ASPRV1: variants seen among roughly 807,000 people sequenced by gnomAD.
The protein encoded by ASPRV1 is retroviral-like aspartic protease 1.
Under a neutral mutation model 11.0 loss-of-function variants are expected in ASPRV1, and 7 were observed. The observed-to-expected ratio is 0.64, with a 90% CI of 0.36 to 1.20. The LOEUF (loss-of-function observed/expected upper bound fraction) is 1.20, where lower values mean the gene tolerates loss of function less well. ASPRV1 is among the 50% of genes most tolerant of loss of function. The pLI is 0.02. For missense variants in ASPRV1, 299 were observed against 320.0 expected (o/e 0.93, Z 0.50); for synonymous variants, 136 against 138.4 (o/e 0.98, Z 0.12).
the ASPRV1 span, among the ~76,000 whole-genome samples, chr2:69,974,422 T>C: frequency 2.6e-5 from 4 of 152,206 alleles, no homozygotes; most frequent in Admixed American, 6.5e-5. Context: ...TGTAAGTTTA[T>C]ATAATTTAAT....
the ASPRV1 span, among the ~76,000 whole-genome samples, chr2:70,019,822 G>C: frequency 5.3e-5 from 8 of 152,148 alleles, no homozygotes; most frequent in African/African-American, 1.7e-4. Context: ...GGAGGAACAA[G>C]TTCAAGAGAT....
chr2:70,067,628 C>A, the ASPRV1 span, among the ~76,000 whole-genome samples: 1 of 152,058 alleles, frequency 6.6e-6, no homozygotes, highest in African/African-American at 2.4e-5. Flanking sequence ...GAAGAAAATA[C>A]CAGAATGATA....
At chr2:70,078,766 G>A in the ASPRV1 span, among the ~76,000 whole-genome samples, 1 of 152,240 alleles carries the variant, frequency 6.6e-6, no homozygotes, top group Admixed American at 6.5e-5. Context: ...AATCCAGGTG[G>A]GATTTTAATC....
the ASPRV1 span, among the ~76,000 whole-genome samples, chr2:70,033,159 C>A: frequency 4.3e-4 from 66 of 152,236 alleles, no homozygotes; most frequent in African/African-American, 1.4e-3. Context: ...GACTCCATTT[C>A]TTGCTGGACT....
chr2:70,078,136 G>A, the ASPRV1 span, among the ~76,000 whole-genome samples: 86 of 152,148 alleles, frequency 5.7e-4, no homozygotes, highest in Non-Finnish European at 5.9e-4. Context: ...CAGCCTGGGC[G>A]ACAGAGCAAG....
the ASPRV1 span, among the ~76,000 whole-genome samples, chr2:69,948,647 C>T: frequency 6.6e-6 from 1 of 152,148 alleles, no homozygotes; most frequent in South Asian, 2.1e-4. Flanking sequence ...GGAAAGGGGG[C>T]TGGCTGCTCC....
chr2:70,084,338 A>G, the ASPRV1 span, among the ~76,000 whole-genome samples: 1 of 152,226 alleles, frequency 6.6e-6, no homozygotes, highest in Non-Finnish European at 1.5e-5. Flanking sequence ...ACACTTGGTA[A>G]TATTTTTAAT....
the ASPRV1 span, among the ~76,000 whole-genome samples, chr2:69,972,396 C>T: frequency 4.7e-5 from 7 of 147,414 alleles, no homozygotes; most frequent in Non-Finnish European, 7.5e-5. Context: ...CTTGCTCTGT[C>T]GCCCAGGCTG....
At chr2:70,078,463 T>G in the ASPRV1 span, among the ~76,000 whole-genome samples, 9 of 152,182 alleles carry the variant, frequency 5.9e-5, no homozygotes, top group South Asian at 2.1e-4. Flanking sequence ...GGCAGAGAGA[T>G]AGCTTTTATT....
the ASPRV1 span, among the ~76,000 whole-genome samples, chr2:70,039,198 T>TTTGTTTCTATGTTTCTA: frequency 6.6e-6 from 1 of 152,272 alleles, no homozygotes; most frequent in Admixed American, 6.5e-5. Flanking sequence ...AGAATTCAAG[T>TTTGTTTCTATGTTTCTA]TGCTTACTTT....
At chr2:70,057,074 G>GA in the ASPRV1 span, among the ~76,000 whole-genome samples, 14 of 144,822 alleles carry the variant, frequency 9.7e-5, no homozygotes, top group South Asian at 4.5e-4. Context: ...GTTCATATGT[G>GA]AAAAAAAAAA....
upstream of ASPRV1, among the ~76,000 whole-genome samples, chr2:69,966,385 C>A (rs191902606): frequency 6.8e-4 from 104 of 152,370 alleles, 1 homozygote; most frequent in Admixed American, 3.3e-4. Context: ...TCCTTTCCTG[C>A]CCCATCCTTG....
the ASPRV1 span, chr2:70,049,802 G>A: frequency 6.6e-6 from 1 of 152,210 alleles, no homozygotes; most frequent in South Asian, 2.1e-4. Flanking sequence ...CCATGGTTTG[G>A]TAATGAAATG....
the ASPRV1 span, chr2:70,086,209 C>T: frequency 2.0e-5 from 3 of 152,044 alleles, no homozygotes; most frequent in African/African-American, 7.2e-5. Flanking sequence ...CATTCTAGAG[C>T]TTTCGGGCCG....
chr2:70,041,409 T>G, the ASPRV1 span, among the ~76,000 whole-genome samples: 1 of 152,194 alleles, frequency 6.6e-6, no homozygotes, highest in Non-Finnish European at 1.5e-5. Context: ...CGGATTTAAA[T>G]GGCGACCCAC....
the ASPRV1 span, among the ~76,000 whole-genome samples, chr2:69,969,486 T>A: frequency 3.2e-4 from 48 of 152,230 alleles, no homozygotes; most frequent in African/African-American, 1.0e-3. Context: ...AGTTTCTGGG[T>A]CTTCTGCCAC....
At chr2:69,959,841 T>C (rs1678023631), downstream of ASPRV1, among the ~76,000 whole-genome samples, 1 of 152,198 alleles carries the variant, frequency 6.6e-6, no homozygotes, top group African/African-American at 2.4e-5. Context: ...AGGCAATTTG[T>C]ATGCTAAAAT....
At chr2:69,982,034 T>A in the ASPRV1 span, among the ~76,000 whole-genome samples, 1 of 129,648 alleles carries the variant, frequency 7.7e-6, no homozygotes, top group East Asian at 2.1e-4. Flanking sequence ...CTCCCTCTCA[T>A]CTATCCATCC....
the ASPRV1 span, among the ~76,000 whole-genome samples, chr2:69,994,933 C>T: frequency 5.9e-5 from 9 of 151,602 alleles, no homozygotes; most frequent in Admixed American, 1.3e-4. Flanking sequence ...ACCTGGAAGG[C>T]GGAGCTTGCA....
Sources: gnomAD v4.1 joint callset for allele counts (sites outside exome capture counted in the v4.1 genomes callset) on GRCh38, gnomAD v4.1.1 for gene constraint, MANE v1.5 for transcripts, NCBI Gene and HGNC (gene_info 2026-07-23, HGNC 2026-07-21) for gene names.